CSMD1: variants seen among roughly 807,000 people sequenced by gnomAD.
The protein encoded by CSMD1 is CUB and Sushi multiple domains 1, also known as CUB and sushi domain-containing protein 1.
A neutral mutation model predicts 417.5 loss-of-function variants in CSMD1; 213 were observed. The ratio of observed to expected loss-of-function variants is 0.51; its 90% CI spans 0.46 to 0.57. The LOEUF (loss-of-function observed/expected upper bound fraction) is 0.57. CSMD1 is among the 20% of genes least tolerant of loss of function. CSMD1 has a pLI of 0.00. For missense variants in CSMD1, 6,923 were observed against 4,529.7 expected (o/e 1.53, Z -15.17); for synonymous variants, 2,862 against 1,736.8 (o/e 1.65, Z -16.11).
intron 3 of CSMD1, among the ~76,000 whole-genome samples, chr8:4,124,181 G>T (rs1019714938): frequency 2.6e-5 from 4 of 152,130 alleles, no homozygotes; most frequent in African/African-American, 7.2e-5. Flanking sequence ...GGGAGGAAGT[G>T]GGGGTGGGCA....
chr8:4,938,591 C>G (rs925278108), intron 1 of CSMD1, among the ~76,000 whole-genome samples: 3 of 152,172 alleles, frequency 2.0e-5, no homozygotes, highest in Admixed American at 2.0e-4. Flanking sequence ...ATCGGGAAAA[C>G]GCATACTTGC....
intron 33 of CSMD1, among the ~76,000 whole-genome samples, chr8:3,191,276 G>C (rs1024787180): frequency 1.3e-5 from 2 of 151,968 alleles, no homozygotes; most frequent in African/African-American, 4.8e-5. Context: ...GCCAACAGGT[G>C]AAACCCCCGT....
chr8:4,416,859 A>T (rs1796969935), intron 3 of CSMD1, among the ~76,000 whole-genome samples: 1 of 152,118 alleles, frequency 6.6e-6, no homozygotes, highest in African/African-American at 2.4e-5. Flanking sequence ...AAGAAACATT[A>T]CACAAATAAA....
intron 12 of CSMD1, among the ~76,000 whole-genome samples, chr8:3,429,888 G>T (rs1427940923): frequency 1.3e-5 from 2 of 152,098 alleles, no homozygotes; most frequent in East Asian, 3.9e-4. Flanking sequence ...CATAAACTGT[G>T]CACCAGATCA....
chr8:4,182,401 C>G (rs1798430040), intron 3 of CSMD1, among the ~76,000 whole-genome samples: 1 of 152,078 alleles, frequency 6.6e-6, no homozygotes, highest in Non-Finnish European at 1.5e-5. Flanking sequence ...TTAGAGAGAT[C>G]AGTAAATGCT....
At chr8:4,833,236 C>G (rs559008975) in intron 1 of CSMD1, among the ~76,000 whole-genome samples, 1 of 152,298 alleles carries the variant, frequency 6.6e-6, no homozygotes, top group African/African-American at 2.4e-5. Context: ...ACTCACAATT[C>G]CACAGGCTGT....
chr8:3,070,595 C>T (rs1365060008), intron 49 of CSMD1, among the ~76,000 whole-genome samples: 1 of 152,214 alleles, frequency 6.6e-6, no homozygotes, highest in Admixed American at 6.5e-5. Context: ...GACCTTTGCT[C>T]CAATTCCCAA....
intron 1 of CSMD1, among the ~76,000 whole-genome samples, chr8:4,911,185 C>A (rs1376633889): frequency 3.9e-5 from 6 of 152,166 alleles, no homozygotes; most frequent in Non-Finnish European, 7.3e-5. Flanking sequence ...TGGACTAATA[C>A]CAATGCACAT....
At chr8:4,276,084 C>T (rs935772329) in intron 3 of CSMD1, among the ~76,000 whole-genome samples, 6 of 152,104 alleles carry the variant, frequency 3.9e-5, no homozygotes, top group African/African-American at 1.4e-4. Flanking sequence ...GGATCTAGAA[C>T]TTGAAATACC....
At chr8:3,136,891 AAATTTTTTTAAAAATTTTTTTCT>A (rs143681309) in intron 41 of CSMD1, among the ~76,000 whole-genome samples, 1,680 of 152,350 alleles carry the variant, frequency 0.011, 17 homozygotes, top group Middle Eastern at 0.034. Context: ...TGAATTGGCT[AAATTTTTTTAAAAATTTTTTTCT>A]ATGTAATACT....
At chr8:3,167,430 A>T (rs139820153) in intron 37 of CSMD1, among the ~76,000 whole-genome samples, 2,135 of 152,340 alleles carry the variant, frequency 0.014, 60 homozygotes, top group African/African-American at 0.049. Context: ...TGAAGACAAC[A>T]TAAAGGTAAT....
At chr8:4,315,609 G>C (rs1314353665) in intron 3 of CSMD1, among the ~76,000 whole-genome samples, 1 of 152,120 alleles carries the variant, frequency 6.6e-6, no homozygotes, top group African/African-American at 2.4e-5. Flanking sequence ...TATGAATAAA[G>C]TAAACTTGGT....
intron 3 of CSMD1, among the ~76,000 whole-genome samples, chr8:4,353,687 A>T (rs943200289): frequency 1.3e-5 from 2 of 152,142 alleles, no homozygotes; most frequent in African/African-American, 4.8e-5. Flanking sequence ...CAGAATTCAC[A>T]ATCAGGCATA....
chr8:4,078,557 C>G (rs926604855), intron 3 of CSMD1, among the ~76,000 whole-genome samples: 1 of 151,598 alleles, frequency 6.6e-6, no homozygotes, highest in East Asian at 1.9e-4. Context: ...AGCCACTGCG[C>G]CCGGCTGATA....
At chr8:4,304,967 A>C (rs10099430) in intron 3 of CSMD1, among the ~76,000 whole-genome samples, 3,497 of 152,190 alleles carry the variant, frequency 0.023, 127 homozygotes, top group African/African-American at 0.078. Context: ...TGCTACACTA[A>C]CGTCTGGATG....
chr8:3,843,928 C>T (rs1300825895), intron 5 of CSMD1, among the ~76,000 whole-genome samples: 4 of 152,084 alleles, frequency 2.6e-5, no homozygotes, highest in Admixed American at 6.6e-5. Flanking sequence ...CCATTGCATG[C>T]GCACAAGGTT....
intron 12 of CSMD1, among the ~76,000 whole-genome samples, chr8:3,436,565 C>T (rs973832108): frequency 6.6e-6 from 1 of 152,128 alleles, no homozygotes. Flanking sequence ...TTCTTTTCTA[C>T]CTTCTATATC....
chr8:4,317,839 T>C (rs1352738190), intron 3 of CSMD1, among the ~76,000 whole-genome samples: 2 of 152,310 alleles, frequency 1.3e-5, no homozygotes, highest in African/African-American at 2.4e-5. Context: ...GTTTAATGTA[T>C]TTTTGACCAA....
intron 4 of CSMD1, among the ~76,000 whole-genome samples, chr8:4,028,679 G>C (rs1476009050): frequency 1.3e-5 from 2 of 152,054 alleles, no homozygotes; most frequent in Non-Finnish European, 2.9e-5. Flanking sequence ...TACTATCTCT[G>C]GAACCTTTTG....
Sources: gnomAD v4.1 joint callset for allele counts (sites outside exome capture counted in the v4.1 genomes callset) on GRCh38, gnomAD v4.1.1 for gene constraint, MANE v1.5 for transcripts, NCBI Gene and HGNC (gene_info 2026-07-23, HGNC 2026-07-21) for gene names.